Variants in AFM observed in about 807,000 individuals in gnomAD.
The protein encoded by AFM is afamin.
AFM carries 82 observed loss-of-function variants against 68.7 expected under a neutral mutation model. The observed-to-expected ratio is 1.19, with a 90% CI of 1.00 to 1.43. The LOEUF (loss-of-function observed/expected upper bound fraction) is 1.43, where lower values mean the gene tolerates loss of function less well. Among genes scored for constraint, AFM ranks in the 40% most tolerant of loss-of-function variants. The probability of loss-of-function intolerance (pLI) is 0.00; values close to 1 mark genes in which losing one functional copy is unlikely to be tolerated. For missense variants in AFM, 772 were observed against 701.8 expected (o/e 1.10, Z -1.13); for synonymous variants, 250 against 234.2 (o/e 1.07, Z -0.61).
At chr4:73,500,574 G>A (rs1258824076) in intron 12 of AFM, among the ~76,000 whole-genome samples, 1 of 152,198 alleles carries the variant, frequency 6.6e-6, no homozygotes, top group East Asian at 1.9e-4. Flanking sequence ...ACAAAGGAGA[G>A]GCCTAAAGGG....
In AFM at chr4:73,502,591, A is replaced by G. The variant is rs150159119; in HGVS notation, c.1780-459A>G. On this transcript the variant is annotated intron_variant, in intron 13 of 14. Coordinates refer to ENST00000226355, the MANE Select transcript of AFM (RefSeq NM_001133.2). The stretch of plus-strand genomic sequence containing the variant: ...TGCCTGTTCACTGTTTTCCAACTTT[A>G]TTTCTCACTGTTTCTTTTCTAGGAA... Among the ~76,000 whole-genome samples the G allele has an allele frequency of 4.6e-5, 7 of 152,120 alleles. No individual in the cohort carries two copies. In the East Asian group the frequency reaches 9.7e-4, roughly 21 times the overall value.
chr4:73,490,688 A>T (rs1721047660), intron 7 of AFM, among the ~76,000 whole-genome samples: 1 of 152,072 alleles, frequency 6.6e-6, no homozygotes, highest in Non-Finnish European at 1.5e-5. Context: ...ATAATTATAG[A>T]TTTTCTGTGA....
chr4:73,497,144 C>T lies in AFM; in HGVS notation c.1192-508C>T, dbSNP rs539850970. 2.6e-5 allele frequency among the ~76,000 whole-genome samples: 4 copies of T among 152,214 alleles called. No individual in the cohort carries two copies. The East Asian group carries it at 7.7e-4, about 29-fold the overall frequency. On this transcript the variant is annotated intron_variant, in intron 9 of 14. Transcript: ENST00000226355. ...ATTTTATGCCACATGAGAGATAGTC[C>T]ATCAAATATTTGAAGAAAACTGTTG...
intron 10 of AFM, among the ~76,000 whole-genome samples, chr4:73,498,460 AT>A (rs1415421461): frequency 1.3e-5 from 2 of 151,918 alleles, no homozygotes; most frequent in African/African-American, 2.4e-5. Context: ...TGATGTTTGT[AT>A]TTTTTGGTAG....
chr4:73,483,260 TC>T (rs1322073656), intron 1 of AFM, among the ~76,000 whole-genome samples: 1 of 152,150 alleles, frequency 6.6e-6, no homozygotes, highest in East Asian at 1.9e-4. Flanking sequence ...CCCAACTTAA[TC>T]CCATTCTAAA....
At chr4:73,493,568 AT>A (rs892148778) in intron 8 of AFM, among the ~76,000 whole-genome samples, 121 of 152,340 alleles carry the variant, frequency 7.9e-4, no homozygotes, top group African/African-American at 2.7e-3. Context: ...AGTGCCTCTC[AT>A]CTACTAACCA....
At position 73,483,988 on chromosome 4, in the gene AFM, A is replaced by C; in HGVS notation, c.136A>C (p.Ile46Leu). 1.3e-6 allele frequency: 2 copies of C among 1,522,130 alleles called. No homozygotes were observed. Among genetic ancestry groups the C allele is most frequent in the Non-Finnish European group, 1.8e-6 (2 of 1,112,534 alleles). The allele number at this position is 1,522,130 out of a possible 1,614,324, so 94.3% of individuals were successfully genotyped here. ...QKFIEDNIEY[I>L]TIIAFAQYVQ... The stretch of plus-strand genomic sequence containing the variant: ...ATTTATAGAAGATAATATTGAATAC[A>C]TGTGAGTTGTGCTAAATACTTTTTG... The change falls in exon 2 of 15, where the codon ATC becomes CTC. Residue 46 changes from isoleucine (I) to leucine (L), a missense_variant and splice_region_variant. Coordinates refer to ENST00000226355, the MANE Select transcript of AFM (RefSeq NM_001133.2).
chr4:73,487,802 A>G lies in AFM; in HGVS notation c.694A>G (p.Thr232Ala). Residue 232 changes from threonine to alanine, a missense_variant, in exon 6 of 15, where the codon ACC becomes GCC. Thr to Ala is a moderately conservative substitution (Grantham distance 58, BLOSUM62 0). Transcript: ENST00000226355. ...CTGTGGGGCACTTTTGAAATTTGGA[A>G]CCAAAGTTGTACACTTTATGTGAGT... ...HVCGALLKFG[T>A]KVVHFIYIAI... The G allele has an allele frequency of 6.2e-7, 1 of 1,607,790 alleles. No homozygotes were observed. Among genetic ancestry groups the G allele is most frequent in the Non-Finnish European group, 8.5e-7 (1 of 1,174,482 alleles).
chr4:73,483,761 G>A (rs925591714), intron 1 of AFM, among the ~76,000 whole-genome samples, 180 bp from the exon 2 acceptor site: 4 of 152,280 alleles, frequency 2.6e-5, no homozygotes, highest in African/African-American at 9.6e-5. Flanking sequence ...AATCAACAAT[G>A]ACTAAGATTT....
Position 73,487,800 on chromosome 4 carries a change from G to C in AFM, c.692G>C (p.Gly231Ala), listed in dbSNP as rs2149343728. ...KHVCGALLKFGTKVVHFIYIA... is the reference protein window; with the variant it reads ...KHVCGALLKFATKVVHFIYIA... ...GTCTGTGGGGCACTTTTGAAATTTGGAACCAAAGTTGTACACTTTATGTGA... is the reference window on the plus strand; with the variant it reads ...GTCTGTGGGGCACTTTTGAAATTTGCAACCAAAGTTGTACACTTTATGTGA... Residue 231 changes from glycine (G) to alanine (A), a missense_variant, in exon 6 of 15, where the codon GGA (glycine) becomes GCA (alanine). Gly to Ala is a moderately conservative substitution (Grantham distance 60). Transcript: ENST00000226355. The C allele has an allele frequency of 6.2e-7, 1 of 1,609,208 alleles. No homozygotes were observed. The highest frequency in any genetic ancestry group is 8.5e-7 in the Non-Finnish European group (1 of 1,175,878).
intron 9 of AFM, 114 bp downstream of exon 9, chr4:73,495,546 C>T (rs1202444657): frequency 7.9e-7 from 1 of 1,260,992 alleles, no homozygotes; most frequent in East Asian, 2.5e-5. Flanking sequence ...ATTGGCTAAT[C>T]TGAGTCCACT....
intron 7 of AFM, among the ~76,000 whole-genome samples, chr4:73,491,028 G>T (rs1420687931): frequency 6.6e-6 from 1 of 152,174 alleles, no homozygotes; most frequent in Non-Finnish European, 1.5e-5. Flanking sequence ...AGTCATAAAG[G>T]CTTGAAATAG....
At chr4:73,496,337 G>C (rs929492335) in intron 9 of AFM, among the ~76,000 whole-genome samples, 4 of 152,102 alleles carry the variant, frequency 2.6e-5, no homozygotes, top group East Asian at 1.9e-4. Context: ...CTGTGTGTTT[G>C]ACATTTTGGA....
chr4:73,488,618 T>A lies in AFM; in HGVS notation c.714-12T>A. The stretch of plus-strand genomic sequence containing the variant: ...TCAAATTATTTTTGTGGTTTATCAA[T>A]TCTCTTTCCAGATATATTGCGATAC... On this transcript the variant is annotated splice_polypyrimidine_tract_variant and intron_variant, in intron 6 of 14. Coordinates refer to ENST00000226355, the MANE Select transcript of AFM (RefSeq NM_001133.2). 1 of 1,599,724 alleles carries A rather than the reference T, an allele frequency of 6.3e-7. No homozygotes were observed. The highest frequency in any genetic ancestry group is 8.5e-7 in the Non-Finnish European group (1 of 1,173,780).
At chr4:73,496,035 G>T (rs564015439) in intron 9 of AFM, among the ~76,000 whole-genome samples, 33 of 152,094 alleles carry the variant, frequency 2.2e-4, no homozygotes, top group East Asian at 5.8e-4. Context: ...AAACTTTTTT[G>T]TTGTTGTTGT....
chr4:73,484,327 C>T lies in AFM; in HGVS notation c.207C>T (p.Asp69=). 1 of 1,613,476 alleles carries T rather than the reference C, an allele frequency of 6.2e-7. No homozygotes were observed. The highest frequency in any genetic ancestry group is 8.5e-7 in the Non-Finnish European group (1 of 1,179,764). The change falls in exon 3 of 15, where the codon GAC becomes GAT. Residue 69 remains aspartate, a synonymous_variant. Coordinates refer to ENST00000226355, the MANE Select transcript of AFM (RefSeq NM_001133.2). ...TFEEMEKLVK[D]MVEYKDRCMA... ...AAGAAATGGAAAAGCTGGTGAAAGA[C>T]ATGGTAGAATACAAAGACAGATGTA...
intron 13 of AFM, 68 bp from the exon 14 acceptor site, chr4:73,502,982 T>A: frequency 7.3e-7 from 1 of 1,372,354 alleles, no homozygotes; most frequent in African/African-American, 1.4e-5. Flanking sequence ...AAAACATGCT[T>A]ATCTAAATTT....
intron 3 of AFM, among the ~76,000 whole-genome samples, chr4:73,485,378 G>A (rs1370903356): frequency 6.6e-6 from 1 of 152,098 alleles, no homozygotes; most frequent in African/African-American, 2.4e-5. Flanking sequence ...GATTCTGAAA[G>A]TGCAGGATGA....
intron 7 of AFM, among the ~76,000 whole-genome samples, chr4:73,489,214 T>A (rs1466094293): frequency 6.6e-6 from 1 of 152,160 alleles, no homozygotes; most frequent in Non-Finnish European, 1.5e-5. Flanking sequence ...TTAATTTAAC[T>A]TTTCTTTTCC....
Sources: gnomAD v4.1 joint callset for allele counts (sites outside exome capture counted in the v4.1 genomes callset) on GRCh38, gnomAD v4.1.1 for gene constraint, MANE v1.5 for transcripts, NCBI Gene and HGNC (gene_info 2026-07-23, HGNC 2026-07-21) for gene names.